Variants in SF3A2 observed in about 807,000 individuals in gnomAD.
SF3A2 encodes SAP 62.
In SF3A2, 5 loss-of-function variants were observed where a neutral mutation model predicts 31.1. The observed-to-expected ratio is 0.16, with a 90% CI of 0.08 to 0.34. The LOEUF (loss-of-function observed/expected upper bound fraction) is 0.34, where lower values mean the gene tolerates loss of function less well. SF3A2 is among the 10% of genes least tolerant of loss of function. The pLI is 1.00. For synonymous variants in SF3A2, 365 were observed against 263.7 expected (o/e 1.38, Z -3.72); for missense variants, 577 against 643.9 (o/e 0.90, Z 1.13).
At chr19:2,247,283 A>G in intron 7 of SF3A2, 1 of 542,218 alleles carries the variant, frequency 1.8e-6, no homozygotes. Flanking sequence ...TTGCCAAGTG[A>G]CCTCACTTCC....
At chr19:2,241,690 C>T (rs1568388303) in intron 1 of SF3A2, among the ~76,000 whole-genome samples, 1 of 152,144 alleles carries the variant, frequency 6.6e-6, no homozygotes, top group Admixed American at 6.5e-5. Flanking sequence ...CCAAGAAGCC[C>T]GAGGCGGGGA....
At position 2,247,612 on chromosome 19, in the gene SF3A2, G is replaced by A. The variant is rs1220705204; in HGVS notation, c.565G>A (p.Asp189Asn). 6 of 1,613,240 alleles carry A rather than the reference G, an allele frequency of 3.7e-6. No individual in the cohort carries two copies. The highest frequency in any genetic ancestry group is 1.7e-5 in the Admixed American group (1 of 59,982). ...IAFKVPSREI[D>N]KAEGKFWTHW... Reference sequence around the variant, plus strand: ...CTCCCAGGTGCCGAGCAGAGAGATCGACAAGGCGGAGGGCAAGTTCTGGAC... The same window carrying A: ...CTCCCAGGTGCCGAGCAGAGAGATCAACAAGGCGGAGGGCAAGTTCTGGAC... Residue 189 changes from aspartate (D) to asparagine (N), a missense_variant, in exon 8 of 9, where the codon GAC becomes AAC. Asp to Asn is a conservative substitution (Grantham distance 23). Transcript: ENST00000221494.
chr19:2,245,791 CTG>C lies in SF3A2; in HGVS notation c.355+239_355+240del, dbSNP rs2024926430. 1 of 562,516 alleles carries C rather than the reference CTG, an allele frequency of 1.8e-6. No individual in the cohort carries two copies. Among genetic ancestry groups the C allele is most frequent in the African/African-American group, 1.9e-5 (1 of 52,898 alleles). 34.8% of individuals were successfully genotyped at this position (562,516 alleles called of 1,614,324 possible). A position where few individuals can be genotyped will look rare whatever the true frequency, so the allele number is the denominator to read the frequency against. On this transcript the variant is annotated intron_variant, in intron 5 of 8. Coordinates refer to ENST00000221494, the MANE Select transcript of SF3A2 (RefSeq NM_007165.5). The surrounding 1 kb of genome is among the most constrained non-coding windows in gnomAD (Gnocchi z 4.2). Reference sequence around the variant, plus strand: ...GCCCATTTCCCAGCTGAGCCACAGTCTGTGCCCTCCTGTCCGGGTCTTGTGGA... The same window carrying C: ...GCCCATTTCCCAGCTGAGCCACAGTCTGCCCTCCTGTCCGGGTCTTGTGGA...
rs1013731997 is a variant in SF3A2 at position 2,246,514 on chromosome 19, A to T, written c.356-239A>T. Among the ~76,000 whole-genome samples the T allele has an allele frequency of 3.3e-5, 5 of 152,156 alleles. No individual in the cohort carries two copies. Among genetic ancestry groups the T allele is most frequent in the African/African-American group, 1.2e-4 (5 of 41,516 alleles). On this transcript the variant is annotated intron_variant, in intron 5 of 8. Coordinates refer to ENST00000221494, the MANE Select transcript of SF3A2 (RefSeq NM_007165.5). This position sits in a 1 kb window ranked among gnomAD's most constrained non-coding sequence, Gnocchi z 5.5. The stretch of plus-strand genomic sequence containing the variant: ...TGAAGGGCTCTGGGGATTGGGACAA[A>T]GGAGCACCATCCTCGGTCCCTGCCT...
chr19:2,244,881 T>TCGCG, intron 4 of SF3A2, 102 bp downstream of exon 4: 1 of 1,140,394 alleles, frequency 8.8e-7, no homozygotes, highest in Non-Finnish European at 1.3e-6. Flanking sequence ...GGAGCCAGCC[T>TCGCG]GGCCTGAGCC....
At chr19:2,238,505 A>G (rs764506188) in intron 1 of SF3A2, among the ~76,000 whole-genome samples, 44 of 152,080 alleles carry the variant, frequency 2.9e-4, no homozygotes, top group Non-Finnish European at 4.6e-4. Context: ...TTCACCTTCC[A>G]TATCCTGAAT....
At chr19:2,239,186 G>A (rs1204672890) in intron 1 of SF3A2, among the ~76,000 whole-genome samples, 1 of 152,102 alleles carries the variant, frequency 6.6e-6, no homozygotes, top group Admixed American at 6.6e-5. Flanking sequence ...CCAACCTGGC[G>A]AAATCCCATC....
In SF3A2 at chr19:2,244,645, C is replaced by T. The variant is rs200361703; in HGVS notation, c.198+30C>T. On this transcript the variant is annotated intron_variant, in intron 3 of 8. Coordinates refer to ENST00000221494, the MANE Select transcript of SF3A2 (RefSeq NM_007165.5). Reference sequence around the variant, plus strand: ...GGCCTCTGCCTGGCTCCGGGCGGCTCGCGGCGGGCTGAGTGGCTGACGTCA... The same window carrying T: ...GGCCTCTGCCTGGCTCCGGGCGGCTTGCGGCGGGCTGAGTGGCTGACGTCA... 172 of 1,611,624 alleles carry T rather than the reference C, an allele frequency of 1.1e-4. No individual in the cohort carries two copies. The African/African-American group carries it at 1.6e-3, about 15-fold the overall frequency.
In SF3A2 at chr19:2,246,356, C is replaced by G. The variant is rs1442780900; in HGVS notation, c.356-397C>G. On this transcript the variant is annotated intron_variant, in intron 5 of 8. Transcript: ENST00000221494. This position sits in a 1 kb window ranked among gnomAD's most constrained non-coding sequence, Gnocchi z 5.5. ...GCTGAGCTCTGGCGGGAAGGGCATC[C>G]TCTCTCGCTCACCGTATACATGGTG... 6.6e-6 allele frequency among the ~76,000 whole-genome samples: 1 copy of G among 152,130 alleles called. No individual in the cohort carries two copies. Among genetic ancestry groups the G allele is most frequent in the Admixed American group, 6.5e-5 (1 of 15,282 alleles).
chr19:2,242,307 A>ACAG (rs1252317458), intron 1 of SF3A2, among the ~76,000 whole-genome samples: 5 of 152,214 alleles, frequency 3.3e-5, no homozygotes, highest in Non-Finnish European at 1.5e-5. Context: ...CAGAGTCCAA[A>ACAG]CAGTCCACAG....
chr19:2,245,187 T>TAAAA lies in SF3A2; in HGVS notation c.246-247_246-244dup, dbSNP rs113747822. 7.4e-6 allele frequency: 3 copies of TAAAA among 407,350 alleles called. No individual in the cohort carries two copies. Among genetic ancestry groups the TAAAA allele is most frequent in the South Asian group, 4.7e-5 (1 of 21,450 alleles). The allele number at this position is 407,350 out of a possible 1,614,324, so 25.2% of individuals were successfully genotyped here. On this transcript the variant is annotated intron_variant, in intron 4 of 8. Coordinates refer to ENST00000221494, the MANE Select transcript of SF3A2 (RefSeq NM_007165.5). This position sits in a 1 kb window ranked among gnomAD's most constrained non-coding sequence, Gnocchi z 4.2. Reference sequence around the variant, plus strand: ...CGACAGAGTGAGACTCTTGTCTTATTAAAAAAAAAAAAAAAGAGCAGAGGC... The same window carrying TAAAA: ...CGACAGAGTGAGACTCTTGTCTTATTAAAAAAAAAAAAAAAAAAAGAGCAGAGGC...
At chr19:2,237,203 A>T (rs2024832695) in intron 1 of SF3A2, 3 of 152,222 alleles carry the variant, frequency 2.0e-5, no homozygotes, top group Admixed American at 1.3e-4. Flanking sequence ...GGATCGCTTG[A>T]GGCCAGGAGT....
Position 2,247,993 on chromosome 19 carries a change from C to G in SF3A2, c.842C>G (p.Pro281Arg). ...PSGPPGPPQL[P>R]PPAPGVHPPA... ...GGGCCCCCGGGACCACCCCAGCTAC[C>G]CCCGCCAGCTCCAGGGGTCCACCCC... is the stretch of plus-strand genomic sequence containing the variant. The change falls in exon 9 of 9, where the codon CCC (proline) becomes CGC (arginine). Residue 281 changes from proline to arginine, a missense_variant. Pro to Arg is a moderately radical substitution (Grantham distance 103). Coordinates refer to ENST00000221494, the MANE Select transcript of SF3A2 (RefSeq NM_007165.5). 1.1e-6 allele frequency: 1 copy of G among 951,296 alleles called. No homozygotes were observed. The highest frequency in any genetic ancestry group is 1.6e-6 in the Non-Finnish European group (1 of 613,528). 58.9% of individuals were successfully genotyped at this position (951,296 alleles called of 1,614,324 possible).
At chr19:2,237,712 G>T (rs537521238) in intron 1 of SF3A2, 1 of 152,328 alleles carries the variant, frequency 6.6e-6, no homozygotes, top group South Asian at 2.1e-4. Flanking sequence ...GTTGACTGGG[G>T]CTCTGTGATG....
intron 1 of SF3A2, among the ~76,000 whole-genome samples, chr19:2,239,990 G>A (rs1334902283): frequency 1.3e-5 from 2 of 152,176 alleles, no homozygotes; most frequent in African/African-American, 2.4e-5. Context: ...TTTGTTCTCG[G>A]ATGCGTGTGT....
At position 2,245,408 on chromosome 19, in the gene SF3A2, G is replaced by A; in HGVS notation, c.246-38G>A. 2.7e-6 allele frequency: 4 copies of A among 1,473,472 alleles called. No individual in the cohort carries two copies. Among genetic ancestry groups the A allele is most frequent in the Non-Finnish European group, 2.8e-6 (3 of 1,078,430 alleles). 91.3% of individuals were successfully genotyped at this position (1,473,472 alleles called of 1,614,324 possible). Reference sequence around the variant, plus strand: ...GGGCCCATGGCTTTGGTGCCTGTGTGTGGAGGGGTCCCAGCAGCACCTCCA... The same window carrying A: ...GGGCCCATGGCTTTGGTGCCTGTGTATGGAGGGGTCCCAGCAGCACCTCCA... On this transcript the variant is annotated intron_variant, in intron 4 of 8. Coordinates refer to ENST00000221494, the MANE Select transcript of SF3A2 (RefSeq NM_007165.5). The surrounding 1 kb of genome is among the most constrained non-coding windows in gnomAD (Gnocchi z 4.2).
At chr19:2,240,162 G>A (rs928752166) in intron 1 of SF3A2, among the ~76,000 whole-genome samples, 1 of 152,286 alleles carries the variant, frequency 6.6e-6, no homozygotes, top group East Asian at 1.9e-4. Context: ...CTGTTTCCCC[G>A]GAAAAGACTC....
In SF3A2 at chr19:2,247,802, C is replaced by T; in HGVS notation, c.651C>T (p.Pro217=). The change falls in exon 9 of 9, where the codon CCC becomes CCT. Residue 217 remains proline, a synonymous_variant. Transcript: ENST00000221494. ...AGTTCCACTTTAAGATGGAGAAGCC[C>T]CCGGCTCCACCCAGCCTCCCTGCTG... is the stretch of plus-strand genomic sequence containing the variant. ...FLQFHFKMEK[P]PAPPSLPAGP... The T allele has an allele frequency of 6.2e-7, 1 of 1,610,214 alleles. No homozygotes were observed. Among genetic ancestry groups the T allele is most frequent in the Non-Finnish European group, 8.5e-7 (1 of 1,179,290 alleles).
rs139182118 is a variant in SF3A2, at chr19:2,247,827, G to T, written c.676G>T (p.Gly226Cys). 1,371 of 1,602,950 alleles carry T rather than the reference G, an allele frequency of 8.6e-4. No homozygotes were observed. Among genetic ancestry groups the T allele is most frequent in the Admixed American group, 1.8e-3 (108 of 59,936 alleles). ...CCCGGCTCCACCCAGCCTCCCTGCT[G>T]GCCCCCCTGGGGTGAAGCGGCCTCC... is the stretch of plus-strand genomic sequence containing the variant. ...KPPAPPSLPA[G>C]PPGVKRPPPP... Residue 226 changes from glycine (G) to cysteine (C), a missense_variant, in exon 9 of 9, where the codon GGC (glycine) becomes TGC (cysteine). Gly to Cys is a radical substitution (Grantham distance 159). Around this residue, in one of 6 missense-constraint regions of SF3A2, gnomAD observed 462 missense variants for 339.1 expected, o/e 1.36. Coordinates refer to ENST00000221494, the MANE Select transcript of SF3A2 (RefSeq NM_007165.5).
Sources: allele counts gnomAD v4.1 joint callset (sites outside exome capture counted in the v4.1 genomes callset), GRCh38; gene constraint gnomAD v4.1.1; regional missense constraint gnomAD v4.1.1; non-coding constraint Gnocchi (gnomAD v3.1); transcripts MANE v1.5; gene names NCBI Gene and HGNC (gene_info 2026-07-23, HGNC 2026-07-21).